Variants in TSPAN3 observed in about 807,000 individuals in gnomAD.
TSPAN3 encodes the protein tetraspanin-3.
Under a neutral mutation model 31.1 loss-of-function variants are expected in TSPAN3, and 9 were observed. The ratio of observed to expected loss-of-function variants is 0.29; its 90% confidence interval spans 0.17 to 0.50. The LOEUF is 0.50. Ranked by LOEUF, TSPAN3 falls within the 20% of genes least tolerant of loss-of-function variation. TSPAN3 has a pLI of 0.98. For missense variants in TSPAN3, 252 were observed against 313.5 expected (o/e 0.80, Z 1.48); for synonymous variants, 129 against 114.3 (o/e 1.13, Z -0.82).
At chr15:77,069,526 T>C (rs563377553) in intron 1 of TSPAN3, among the ~76,000 whole-genome samples, 12 of 152,254 alleles carry the variant, frequency 7.9e-5, no homozygotes, top group African/African-American at 2.9e-4. Flanking sequence ...AAAGAAGAAA[T>C]CACGGAAATG....
chr15:77,067,041 CCCATTAAT>C (rs1466352016), intron 1 of TSPAN3, among the ~76,000 whole-genome samples: 1 of 151,858 alleles, frequency 6.6e-6, no homozygotes, highest in Non-Finnish European at 1.5e-5. Flanking sequence ...CCCATGAAAA[CCCATTAAT>C]CCATTAATCC....
chr15:77,059,941 C>T (rs1032035277), intron 1 of TSPAN3, among the ~76,000 whole-genome samples: 4 of 152,118 alleles, frequency 2.6e-5, no homozygotes, highest in Non-Finnish European at 4.4e-5. Flanking sequence ...ACTGCCTCTC[C>T]CCCCTAAAAG....
At chr15:77,063,334 A>G (rs1309121312) in intron 1 of TSPAN3, 1 of 151,972 alleles carries the variant, frequency 6.6e-6, no homozygotes, top group Non-Finnish European at 1.5e-5. Context: ...TGGGGTGTAA[A>G]GTTTTATGTG....
intron 1 of TSPAN3, among the ~76,000 whole-genome samples, chr15:77,061,554 A>T (rs2076800918): frequency 6.6e-6 from 1 of 152,126 alleles, no homozygotes; most frequent in African/African-American, 2.4e-5. Flanking sequence ...AAAAAGTTAA[A>T]ATCTGTAAAA....
chr15:77,059,054 G>T (rs915882509), intron 1 of TSPAN3, among the ~76,000 whole-genome samples: 2 of 152,068 alleles, frequency 1.3e-5, no homozygotes, highest in Non-Finnish European at 2.9e-5. Flanking sequence ...GTGGAGAAGA[G>T]AAATAGTTTA....
intron 3 of TSPAN3, chr15:77,054,690 T>A (rs1367235701): frequency 6.5e-6 from 1 of 153,748 alleles, no homozygotes; most frequent in Non-Finnish European, 1.4e-5. Context: ...TAAGATACTT[T>A]TAGGACAAAT....
intron 1 of TSPAN3, among the ~76,000 whole-genome samples, chr15:77,059,467 G>A (rs991642140): frequency 6.6e-6 from 1 of 152,016 alleles, no homozygotes; most frequent in African/African-American, 2.4e-5. Context: ...CCTTTTTATT[G>A]ACTACTTGTG....
In TSPAN3 at chr15:77,044,738, T is replaced by G. The variant is rs1160058506; in HGVS notation, c.*2097A>C. 1 of 152,320 alleles carries G rather than the reference T, an allele frequency of 6.6e-6. No homozygotes were observed. The highest frequency in any genetic ancestry group is 1.5e-5 in the Non-Finnish European group (1 of 68,132). The allele number at this position is 152,320 out of a possible 1,614,324, so 9.4% of individuals were successfully genotyped here. A position where few individuals can be genotyped will look rare whatever the true frequency, so the allele number is the denominator to read the frequency against. ...CCATTTCCCACTCTAGAGGCCCTGTTCTGTCCTGTAGAAAGAGTGGAGAAC... is the reference window on the plus strand; with the variant it reads ...CCATTTCCCACTCTAGAGGCCCTGTGCTGTCCTGTAGAAAGAGTGGAGAAC... On this transcript the variant is annotated 3_prime_UTR_variant, in exon 7 of 7. Coordinates refer to ENST00000267970, the MANE Select transcript of TSPAN3 (RefSeq NM_005724.6).
At position 77,046,954 on chromosome 15, in the gene TSPAN3, A is replaced by G. The variant is rs200632001; in HGVS notation, c.670-27T>C. 2.4e-5 allele frequency: 37 copies of G among 1,534,554 alleles called. No homozygotes were observed. The East Asian group carries it at 7.8e-4, about 32-fold the overall frequency. ...TGTTGAAAGAAAACAACAATGGGGA[A>G]AAAAGGCTGAAAACCCTCTCATGGC... On this transcript the variant is annotated intron_variant, in intron 6 of 6. Transcript: ENST00000267970.
intron 6 of TSPAN3, among the ~76,000 whole-genome samples, chr15:77,051,522 C>T (rs2076730694): frequency 6.8e-6 from 1 of 146,440 alleles, no homozygotes; most frequent in African/African-American, 2.5e-5. Context: ...AAGCAAAACT[C>T]TGTCGTAAAA....
At chr15:77,067,661 TA>T (rs1160596121) in intron 1 of TSPAN3, 2 of 152,200 alleles carry the variant, frequency 1.3e-5, no homozygotes, top group Non-Finnish European at 2.9e-5. Flanking sequence ...GGCCAGCATA[TA>T]AGAATACATT....
Position 77,041,991 on chromosome 15 carries a change from T to C in TSPAN3, c.*4844A>G, listed in dbSNP as rs1329166677. 1 of 152,222 alleles carries C rather than the reference T, an allele frequency of 6.6e-6. No individual in the cohort carries two copies. Among genetic ancestry groups the C allele is most frequent in the Non-Finnish European group, 1.5e-5 (1 of 68,038 alleles). The allele number at this position is 152,222 out of a possible 1,614,324, so 9.4% of individuals were successfully genotyped here. Reference sequence around the variant, plus strand: ...GGAGGCAGCCTGCAGGCCTGCCCTTTATACACCTTGGTTAATCATGGTACT... The same window carrying C: ...GGAGGCAGCCTGCAGGCCTGCCCTTCATACACCTTGGTTAATCATGGTACT... On this transcript the variant is annotated 3_prime_UTR_variant, in exon 7 of 7. Coordinates refer to ENST00000267970, the MANE Select transcript of TSPAN3 (RefSeq NM_005724.6).
rs1041347063 is a variant in TSPAN3 at position 77,046,480 on chromosome 15, T to C, written c.*355A>G. 3 of 416,690 alleles carry C rather than the reference T, an allele frequency of 7.2e-6. No individual in the cohort carries two copies. The highest frequency in any genetic ancestry group is 1.3e-5 in the Non-Finnish European group (3 of 235,878). The allele number at this position is 416,690 out of a possible 1,614,324, so 25.8% of individuals were successfully genotyped here. On this transcript the variant is annotated 3_prime_UTR_variant, in exon 7 of 7. Coordinates refer to ENST00000267970, the MANE Select transcript of TSPAN3 (RefSeq NM_005724.6). ...GCCAAGAGTTCTCCACTGTGAAGACTGAAAGGACCTGGTGACATTTCGGCA... is the reference window on the plus strand; with the variant it reads ...GCCAAGAGTTCTCCACTGTGAAGACCGAAAGGACCTGGTGACATTTCGGCA...
At chr15:77,066,571 CAAAAAAAAAAAAAA>C (rs35737479) in intron 1 of TSPAN3, among the ~76,000 whole-genome samples, 27 of 59,380 alleles carry the variant, frequency 4.5e-4, no homozygotes, top group Non-Finnish European at 6.3e-4. Flanking sequence ...GACTTCGTCT[CAAAAAAAAAAAAAA>C]AAAAAAAAAA....
At chr15:77,054,755 A>G (rs1247338831) in intron 3 of TSPAN3, 1 of 152,526 alleles carries the variant, frequency 6.6e-6, no homozygotes, top group African/African-American at 2.4e-5. Context: ...TAAATGTGCA[A>G]AAGTAATCGG....
chr15:77,047,333 T>C (rs1451801730), intron 6 of TSPAN3, among the ~76,000 whole-genome samples: 1 of 152,240 alleles, frequency 6.6e-6, no homozygotes, highest in African/African-American at 2.4e-5. Flanking sequence ...TTTAAATTAA[T>C]TTAAATGTAG....
intron 6 of TSPAN3, among the ~76,000 whole-genome samples, chr15:77,051,591 G>A (rs2076731379): frequency 6.6e-6 from 1 of 151,428 alleles, no homozygotes; most frequent in African/African-American, 2.4e-5. Context: ...GCTCACGCCT[G>A]TAAATCCCAA....
intron 1 of TSPAN3, among the ~76,000 whole-genome samples, chr15:77,062,074 G>C (rs1268773607): frequency 6.6e-6 from 1 of 152,138 alleles, no homozygotes; most frequent in African/African-American, 2.4e-5. Context: ...GGAAAAAATA[G>C]GCAGGAATCC....
rs1297779839 is a variant in TSPAN3, at chr15:77,045,213, GTCTTC to G, written c.*1617_*1621del. 6.6e-6 allele frequency: 1 copy of G among 152,254 alleles called. No homozygotes were observed. The highest frequency in any genetic ancestry group is 2.1e-4 in the South Asian group (1 of 4,820). The allele number at this position is 152,254 out of a possible 1,614,324, so 9.4% of individuals were successfully genotyped here. ...GAAACCTGGGACTCATCCTAGATGA[GTCTTC>G]TCTTCTCCCTTCTCTGTCCCACGTC... On this transcript the variant is annotated 3_prime_UTR_variant, in exon 7 of 7. Coordinates refer to ENST00000267970, the MANE Select transcript of TSPAN3 (RefSeq NM_005724.6).
Sources: gnomAD v4.1 joint callset for allele counts (sites outside exome capture counted in the v4.1 genomes callset) on GRCh38, gnomAD v4.1.1 for gene constraint, MANE v1.5 for transcripts, NCBI Gene and HGNC (gene_info 2026-07-23, HGNC 2026-07-21) for gene names.